CAND1: variants seen among roughly 807,000 people sequenced by gnomAD.
The protein encoded by CAND1 is cullin associated and neddylation dissociated 1.
A neutral mutation model predicts 108.5 loss-of-function variants in CAND1; 7 were observed. That is an observed-to-expected ratio of 0.06 (90% confidence interval 0.04 to 0.12). CAND1 has a LOEUF of 0.12. Among genes scored for constraint, CAND1 ranks in the 10% least tolerant of loss-of-function variants. CAND1 has a pLI of 1.00. For missense variants in CAND1, 941 were observed against 1,448.7 expected (o/e 0.65, Z 5.69); for synonymous variants, 534 against 512.0 (o/e 1.04, Z -0.58).
intron 2 of CAND1, among the ~76,000 whole-genome samples, chr12:67,288,243 G>T (rs771654831): frequency 2.0e-5 from 3 of 150,742 alleles, no homozygotes; most frequent in Non-Finnish European, 2.9e-5. Context: ...GCGATTCTCA[G>T]ACTGCCTCCC....
At chr12:67,281,429 A>G (rs1321764429) in intron 1 of CAND1, among the ~76,000 whole-genome samples, 3 of 152,194 alleles carry the variant, frequency 2.0e-5, no homozygotes, top group Non-Finnish European at 4.4e-5. Flanking sequence ...AATGCAACGT[A>G]CTTGTTTTGA....
intron 1 of CAND1, among the ~76,000 whole-genome samples, chr12:67,278,205 T>G (rs558591174): frequency 6.6e-6 from 1 of 152,228 alleles, no homozygotes; most frequent in East Asian, 1.9e-4. Flanking sequence ...GACGTGATCT[T>G]GACTCACTGC....
At chr12:67,293,481 A>G (rs895030770) in intron 3 of CAND1, among the ~76,000 whole-genome samples, 5 of 151,938 alleles carry the variant, frequency 3.3e-5, no homozygotes, top group African/African-American at 1.2e-4. Context: ...GGGCCGGGCG[A>G]GGTGGCTCAC....
intron 2 of CAND1, among the ~76,000 whole-genome samples, chr12:67,290,398 C>A (rs567059315): frequency 1.3e-5 from 2 of 152,038 alleles, no homozygotes; most frequent in African/African-American, 4.8e-5. Context: ...GTAGTCCCAG[C>A]TACTTGGGAG....
chr12:67,292,880 T>TA (rs2044735310), intron 3 of CAND1, 104 bp downstream of exon 3: 2 of 1,018,980 alleles, frequency 2.0e-6, no homozygotes, highest in Admixed American at 4.4e-5. Flanking sequence ...TGGCTGTCCT[T>TA]ACAGATGTTC....
At chr12:67,270,201 C>T in intron 1 of CAND1, 1 of 170,504 alleles carries the variant, frequency 5.9e-6, no homozygotes, top group Middle Eastern at 2.6e-3. Context: ...GGCCGCCTTG[C>T]TCGCTGGGGC....
At chr12:67,272,404 A>C (rs1044512836) in intron 1 of CAND1, among the ~76,000 whole-genome samples, 1 of 152,236 alleles carries the variant, frequency 6.6e-6, no homozygotes. Context: ...TGTTATAGGC[A>C]TAAAATTTCA....
intron 1 of CAND1, among the ~76,000 whole-genome samples, chr12:67,278,170 T>C (rs1210771761): frequency 9.2e-5 from 14 of 152,190 alleles, no homozygotes; most frequent in Admixed American, 9.2e-4. Flanking sequence ...AGAGTGTCAC[T>C]CTTTTGCTCA....
chr12:67,287,690 G>A (rs1302867890), intron 2 of CAND1, among the ~76,000 whole-genome samples: 1 of 151,720 alleles, frequency 6.6e-6, no homozygotes, highest in Non-Finnish European at 1.5e-5. Context: ...AATTTTGTCT[G>A]TTGTCTGTTT....
At chr12:67,275,501 G>A (rs779076299) in intron 1 of CAND1, among the ~76,000 whole-genome samples, 5 of 152,082 alleles carry the variant, frequency 3.3e-5, no homozygotes, top group Non-Finnish European at 7.3e-5. Flanking sequence ...ACTGTGGCCT[G>A]GGTGACAGAG....
rs2045037797 is a variant in CAND1, at chr12:67,319,292, C to CT, written c.*6463dup. On this transcript the variant is annotated 3_prime_UTR_variant, in exon 15 of 15. Coordinates refer to ENST00000545606, the MANE Select transcript of CAND1 (RefSeq NM_018448.5). ...GCCTCAGCATCTCTCACAACTAGGACTAACTTTTTCTTCTGACAACTATAA... is the reference window on the plus strand; with the variant it reads ...GCCTCAGCATCTCTCACAACTAGGACTTAACTTTTTCTTCTGACAACTATAA... 6.6e-6 allele frequency: 1 copy of CT among 152,226 alleles called. No individual in the cohort carries two copies. Among genetic ancestry groups the CT allele is most frequent in the Non-Finnish European group, 1.5e-5 (1 of 68,064 alleles). The allele number at this position is 152,226 out of a possible 1,614,324, so 9.4% of individuals were successfully genotyped here.
chr12:67,291,121 A>G (rs1460506203), intron 2 of CAND1, among the ~76,000 whole-genome samples: 1 of 152,138 alleles, frequency 6.6e-6, no homozygotes, highest in South Asian at 2.1e-4. Flanking sequence ...AAACTTACCT[A>G]CTAAAATCTA....
intron 2 of CAND1, among the ~76,000 whole-genome samples, chr12:67,285,710 G>T (rs926172806): frequency 6.6e-6 from 1 of 152,054 alleles, no homozygotes; most frequent in African/African-American, 2.4e-5. Context: ...TCCAATCAAG[G>T]TCACTATTAT....
chr12:67,278,315 G>A (rs2044588874), intron 1 of CAND1, among the ~76,000 whole-genome samples: 1 of 151,922 alleles, frequency 6.6e-6, no homozygotes, highest in Non-Finnish European at 1.5e-5. Context: ...GTACTACCAT[G>A]CCTGGCTAAT....
intron 1 of CAND1, among the ~76,000 whole-genome samples, chr12:67,278,220 T>G (rs1320482725): frequency 6.6e-6 from 1 of 152,122 alleles, no homozygotes; most frequent in African/African-American, 2.4e-5. Context: ...CACTGCAACC[T>G]CCACTGCCCG....
intron 3 of CAND1, chr12:67,293,338 T>C (rs907458807): frequency 1.3e-5 from 2 of 152,514 alleles, no homozygotes; most frequent in African/African-American, 2.4e-5. Flanking sequence ...GTAGGTAATA[T>C]AAATTTTAGA....
At chr12:67,288,477 G>T (rs2044693494) in intron 2 of CAND1, among the ~76,000 whole-genome samples, 1 of 152,054 alleles carries the variant, frequency 6.6e-6, no homozygotes, top group Non-Finnish European at 1.5e-5. Flanking sequence ...TGAGAAGGAT[G>T]TTAAAACTTT....
intron 11 of CAND1, among the ~76,000 whole-genome samples, chr12:67,308,573 G>A (rs1011020411): frequency 8.6e-5 from 13 of 152,024 alleles, no homozygotes; most frequent in Non-Finnish European, 1.9e-4. Flanking sequence ...ATTGAATTAT[G>A]ATCTAGTTAA....
At chr12:67,281,786 A>G (rs1316843824) in intron 1 of CAND1, 124 bp from the exon 2 acceptor site, 7 of 594,568 alleles carry the variant, frequency 1.2e-5, no homozygotes, top group Admixed American at 1.1e-4. Flanking sequence ...TAAAAAGTGG[A>G]TGAGTTTTAT....
Sources: gnomAD v4.1 joint callset for allele counts (sites outside exome capture counted in the v4.1 genomes callset) on GRCh38, gnomAD v4.1.1 for gene constraint, MANE v1.5 for transcripts, NCBI Gene and HGNC (gene_info 2026-07-23, HGNC 2026-07-21) for gene names.